EXOC3: variants seen among roughly 807,000 people sequenced by gnomAD.
EXOC3 encodes the protein SEC6-like 1.
EXOC3 carries 21 observed loss-of-function variants against 73.7 expected under a neutral mutation model. That is an observed-to-expected ratio of 0.29 (90% CI 0.20 to 0.41). The LOEUF is 0.41. EXOC3 is among the 10% of genes least tolerant of loss of function. The pLI is 1.00. For missense variants in EXOC3, 842 were observed against 985.1 expected, an observed-to-expected ratio of 0.85 and a Z score of 1.95; for synonymous variants, 410 against 389.1, an observed-to-expected ratio of 1.05 and a Z score of -0.63.
intron 3 of EXOC3, among the ~76,000 whole-genome samples, chr5:448,694 C>G (rs111437963): frequency 6.6e-6 from 1 of 152,208 alleles, no homozygotes; most frequent in Non-Finnish European, 1.5e-5. Context: ...TGGCGCGGTT[C>G]TCCCCAGCTG....
chr5:454,841 C>G (rs1737757910), intron 4 of EXOC3, among the ~76,000 whole-genome samples: 1 of 145,526 alleles, frequency 6.9e-6, no homozygotes, highest in Admixed American at 6.9e-5. Context: ...CATCTTGTCA[C>G]TGCAGTGGAG....
Position 446,368 on chromosome 5 carries a change from C to T in EXOC3, c.144+19C>T, listed in dbSNP as rs755412347. 1 of 1,571,202 alleles carries T rather than the reference C, an allele frequency of 6.4e-7. No individual in the cohort carries two copies. The highest frequency in any genetic ancestry group is 1.9e-5 in the Admixed American group (1 of 53,334). On this transcript the variant is annotated intron_variant, in intron 2 of 12. Coordinates refer to ENST00000512944, the MANE Select transcript of EXOC3 (RefSeq NM_007277.5). ...ATTGAAGGTGAGGCCACCTGCCCCA[C>T]TCCCAGGATCTGTCTTGGGCTTCAG...
chr5:451,052 G>A (rs1280325658), intron 3 of EXOC3, among the ~76,000 whole-genome samples: 1 of 152,094 alleles, frequency 6.6e-6, no homozygotes, highest in African/African-American at 2.4e-5. Context: ...TTACATTTAA[G>A]TGATTACTGA....
intron 3 of EXOC3, among the ~76,000 whole-genome samples, chr5:450,582 GT>G (rs1445059402): frequency 1.3e-5 from 2 of 152,138 alleles, no homozygotes; most frequent in Non-Finnish European, 2.9e-5. Context: ...CTCTTTCCTT[GT>G]TTAGCTTCTG....
intron 10 of EXOC3, 122 bp downstream of exon 10, chr5:464,534 C>A: frequency 8.9e-7 from 1 of 1,124,020 alleles, no homozygotes; most frequent in Non-Finnish European, 1.3e-6. Flanking sequence ...GTCCTATCAG[C>A]CCAAGGGAGG....
intron 3 of EXOC3, among the ~76,000 whole-genome samples, chr5:450,775 C>T (rs1320732355): frequency 6.6e-6 from 1 of 150,468 alleles, no homozygotes; most frequent in African/African-American, 2.4e-5. Context: ...ATACATATGG[C>T]CTTCTTTGTG....
intron 6 of EXOC3, 56 bp downstream of exon 6, chr5:458,081 GTA>G: frequency 6.4e-7 from 1 of 1,569,410 alleles, no homozygotes; most frequent in Non-Finnish European, 8.7e-7. Context: ...AGTGGGACCT[GTA>G]GGTTTTACAA....
intron 10 of EXOC3, 183 bp downstream of exon 10, chr5:464,595 G>T (rs1041908616): frequency 1.7e-5 from 10 of 592,970 alleles, no homozygotes; most frequent in Non-Finnish European, 1.5e-5. Flanking sequence ...TGGTGAGAAT[G>T]GCCGGGGCCC....
chr5:465,818 C>T lies in EXOC3; in HGVS notation c.2039C>T (p.Thr680Ile). 5 of 1,612,370 alleles carry T rather than the reference C, an allele frequency of 3.1e-6. No individual in the cohort carries two copies. The highest frequency in any genetic ancestry group is 4.2e-6 in the Non-Finnish European group (5 of 1,179,242). Residue 680 changes from threonine (T) to isoleucine (I), a missense_variant, in exon 12 of 13, where the codon ACT (threonine) becomes ATT (isoleucine). By Grantham distance (89) the Thr-to-Ile change is moderately conservative. Transcript: ENST00000512944. The part of the protein sequence containing the change: ...DPSLLYLEVS[T>I]LVSKYPDIRD... The stretch of plus-strand genomic sequence containing the variant: ...TCTCTGCTCTACCTGGAGGTCTCCA[C>T]TCTGGTCAGCAAGTATCCAGACATC...
chr5:448,323 G>A (rs1383131103), intron 3 of EXOC3, among the ~76,000 whole-genome samples: 3 of 152,144 alleles, frequency 2.0e-5, no homozygotes, highest in South Asian at 2.1e-4. Context: ...GTCCCTGAAC[G>A]GTGCCAGCTG....
rs1450715879 is a variant in EXOC3 at position 453,897 on chromosome 5, G to C, written c.892G>C (p.Val298Leu). 8 of 1,613,916 alleles carry C rather than the reference G, an allele frequency of 5.0e-6. No individual in the cohort carries two copies. The highest frequency in any genetic ancestry group is 6.8e-6 in the Non-Finnish European group (8 of 1,179,888). The change falls in exon 4 of 13, where the codon GTT becomes CTT. Residue 298 changes from valine (V) to leucine (L), a missense_variant. Physicochemically the swap from Val to Leu is conservative, Grantham distance 32 (BLOSUM62 1). Coordinates refer to ENST00000512944, the MANE Select transcript of EXOC3 (RefSeq NM_007277.5). ...CCTCATTGTCGCCAAAAACCTGATGGTTCAGTGCTTTCCTCCCCACTATGA... is the reference window on the plus strand; with the variant it reads ...CCTCATTGTCGCCAAAAACCTGATGCTTCAGTGCTTTCCTCCCCACTATGA... The part of the protein sequence containing the change: ...DDLIVAKNLM[V>L]QCFPPHYEIF...
Position 462,475 on chromosome 5 carries a change from C to G in EXOC3, c.1653+168C>G, listed in dbSNP as rs539884427. On this transcript the variant is annotated intron_variant, in intron 9 of 12. Coordinates refer to ENST00000512944, the MANE Select transcript of EXOC3 (RefSeq NM_007277.5). ...CTTAAAGCGCCTCCGTTTTCGGTGA[C>G]GCTGCTTCGTATGATGCAGGGTCCT... 28 of 662,880 alleles carry G rather than the reference C, an allele frequency of 4.2e-5. No homozygotes were observed. In the African/African-American group the frequency reaches 4.7e-4, roughly 11 times the overall value. The allele number at this position is 662,880 out of a possible 1,614,324, so 41.1% of individuals were successfully genotyped here. A position where few individuals can be genotyped will look rare whatever the true frequency, so the allele number is the denominator to read the frequency against.
intron 1 of EXOC3, 21 bp from the exon 2 acceptor site, chr5:446,129 C>T (rs1193174140): frequency 6.4e-7 from 1 of 1,559,542 alleles, no homozygotes; most frequent in Non-Finnish European, 8.8e-7. Context: ...AACATTTCTA[C>T]CGTCCTAACA....
At chr5:465,909 T>C (rs552916889) in intron 12 of EXOC3, 64 bp downstream of exon 12, 55 of 1,532,842 alleles carry the variant, frequency 3.6e-5, no homozygotes, top group East Asian at 1.9e-4. Flanking sequence ...GGTCCCTCCT[T>C]CTGTCTGGGG....
At chr5:456,811 G>GA in intron 4 of EXOC3, 78 bp from the exon 5 acceptor site, 1 of 1,113,398 alleles carries the variant, frequency 9.0e-7, no homozygotes. Context: ...TGTGTCAAGT[G>GA]AAACAGTCTC....
chr5:461,164 TAAAATAAATA>T (rs1737972109), intron 7 of EXOC3, among the ~76,000 whole-genome samples: 1 of 119,994 alleles, frequency 8.3e-6, no homozygotes, highest in African/African-American at 3.6e-5. Flanking sequence ...GTATAGTAAA[TAAAATAAATA>T]AAATAAGATA....
chr5:462,007 G>A lies in EXOC3; in HGVS notation c.1439G>A (p.Arg480Gln), dbSNP rs539451787. ...TATAAAGAAGAGCACCTGAGGAATC[G>A]GCAGCACCCTCACTGCTACGTTCAG... ...QLYKEEHLRN[R>Q]QHPHCYVQYM... The change falls in exon 8 of 13, where the codon CGG (arginine) becomes CAG (glutamine). Residue 480 changes from arginine to glutamine, a missense_variant. Coordinates refer to ENST00000512944, the MANE Select transcript of EXOC3 (RefSeq NM_007277.5). 1.2e-6 allele frequency: 2 copies of A among 1,606,584 alleles called. No individual in the cohort carries two copies. The highest frequency in any genetic ancestry group is 1.7e-6 in the Non-Finnish European group (2 of 1,176,396).
At chr5:451,135 A>T (rs1307093620) in intron 3 of EXOC3, among the ~76,000 whole-genome samples, 4 of 151,896 alleles carry the variant, frequency 2.6e-5, no homozygotes, top group African/African-American at 4.8e-5. Flanking sequence ...TTATTTCTGC[A>T]TTTTTTTTGT....
At chr5:459,481 C>CTAA (rs1737920353) in intron 7 of EXOC3, 22 bp downstream of exon 7, 1 of 1,250,902 alleles carries the variant, frequency 8.0e-7, no homozygotes, top group Admixed American at 2.5e-5. Flanking sequence ...TGCCAGTGTG[C>CTAA]TAATGTACAC....
Sources: allele counts gnomAD v4.1 joint callset (sites outside exome capture counted in the v4.1 genomes callset), GRCh38; gene constraint gnomAD v4.1.1; transcripts MANE v1.5; gene names NCBI Gene and HGNC (gene_info 2026-07-23, HGNC 2026-07-21).